Variants in RIMS2 observed in about 807,000 individuals in gnomAD.
The protein encoded by RIMS2 is regulating synaptic membrane exocytosis protein 2.
Under a neutral mutation model 174.4 loss-of-function variants are expected in RIMS2, and 59 were observed. The observed-to-expected ratio is 0.34, with a 90% CI of 0.27 to 0.42. The LOEUF is 0.42. RIMS2 is among the 10% of genes least tolerant of loss of function. The probability of loss-of-function intolerance (pLI) is 1.00; values close to 1 mark genes in which losing one functional copy is unlikely to be tolerated. For missense variants in RIMS2, 1,620 were observed against 1,666.3 expected (o/e 0.97, Z 0.48); for synonymous variants, 606 against 572.5 (o/e 1.06, Z -0.84).
chr8:104,017,202 A>G (rs777839617), intron 19 of RIMS2, among the ~76,000 whole-genome samples: 4 of 151,984 alleles, frequency 2.6e-5, no homozygotes, highest in Admixed American at 6.6e-5. Flanking sequence ...ATCTTCAGTA[A>G]GTAACACAAA....
intron 15 of RIMS2, among the ~76,000 whole-genome samples, chr8:103,973,288 G>A (rs10104167): frequency 0.23 from 34,532 of 152,002 alleles, 4,140 homozygotes; most frequent in Non-Finnish European, 0.24. Context: ...AAATGGAAAT[G>A]GAGGTAATAT....
At chr8:104,043,407 A>T (rs1339202573) in intron 19 of RIMS2, among the ~76,000 whole-genome samples, 1 of 151,562 alleles carries the variant, frequency 6.6e-6, no homozygotes, top group Non-Finnish European at 1.5e-5. Context: ...CACACTTCGG[A>T]TGTAGTAATT....
chr8:103,824,372 T>C (rs367571425), intron 3 of RIMS2, among the ~76,000 whole-genome samples: 137 of 152,316 alleles, frequency 9.0e-4, no homozygotes, highest in African/African-American at 3.2e-3. Context: ...CTATAGGCTT[T>C]CTTCCTATCC....
chr8:103,919,314 A>G (rs928038729), intron 9 of RIMS2, among the ~76,000 whole-genome samples: 2 of 152,194 alleles, frequency 1.3e-5, no homozygotes, highest in African/African-American at 4.8e-5. Flanking sequence ...AGGTGCATTT[A>G]AGGAAATTCA....
At chr8:103,600,513 C>T (rs572267951) in intron 1 of RIMS2, among the ~76,000 whole-genome samples, 4 of 152,074 alleles carry the variant, frequency 2.6e-5, no homozygotes, top group South Asian at 2.1e-4. Flanking sequence ...TCAAGTGATC[C>T]GCATGCCTTG....
At chr8:103,751,751 A>C (rs1387370524) in intron 2 of RIMS2, among the ~76,000 whole-genome samples, 3 of 150,584 alleles carry the variant, frequency 2.0e-5, no homozygotes, top group Admixed American at 2.0e-4. Context: ...TCTTCTTCTG[A>C]GAAGTGTCTG....
At chr8:103,599,492 G>A (rs543019319) in intron 1 of RIMS2, among the ~76,000 whole-genome samples, 1 of 150,750 alleles carries the variant, frequency 6.6e-6, no homozygotes, top group Non-Finnish European at 1.5e-5. Flanking sequence ...TGATTGTCAT[G>A]CAGGGGTGTG....
At chr8:104,222,548 A>T (rs1373976763) in intron 19 of RIMS2, among the ~76,000 whole-genome samples, 1 of 152,208 alleles carries the variant, frequency 6.6e-6, no homozygotes, top group Non-Finnish European at 1.5e-5. Context: ...AGGTGGGATG[A>T]CTTGTCTCAG....
intron 15 of RIMS2, among the ~76,000 whole-genome samples, chr8:103,964,792 ATTTTGCAT>A (rs1204898513): frequency 6.6e-6 from 1 of 151,990 alleles, no homozygotes; most frequent in Non-Finnish European, 1.5e-5. Context: ...GAGTTTTATT[ATTTTGCAT>A]TTTATATTTA....
At chr8:103,952,770 A>G (rs1392198634) in intron 14 of RIMS2, among the ~76,000 whole-genome samples, 1 of 152,174 alleles carries the variant, frequency 6.6e-6, no homozygotes, top group Admixed American at 6.5e-5. Context: ...AGTTTGACGA[A>G]TTGACAGAAG....
At chr8:104,094,400 A>C (rs2130377191) in intron 19 of RIMS2, 2 of 578,248 alleles carry the variant, frequency 3.5e-6, no homozygotes, top group South Asian at 4.9e-5. Context: ...TTTCTGTTTA[A>C]TTTCATAAGT....
chr8:103,715,954 G>C lies in RIMS2; in HGVS notation c.387+18658G>C, dbSNP rs934456734. 4.0e-5 allele frequency among the ~76,000 whole-genome samples: 6 copies of C among 151,638 alleles called. No individual in the cohort carries two copies. In the East Asian group the frequency reaches 5.8e-4, roughly 15 times the overall value. Reference sequence around the variant, plus strand: ...TTTCTTAAACATTTTTCAGTTTTTTGAGCTCAGTGTTTAACTGATTTTGTT... The same window carrying C: ...TTTCTTAAACATTTTTCAGTTTTTTCAGCTCAGTGTTTAACTGATTTTGTT... On this transcript the variant is annotated intron_variant, in intron 2 of 23. Coordinates refer to ENST00000504942, the Ensembl canonical transcript of RIMS2.
intron 1 of RIMS2, among the ~76,000 whole-genome samples, chr8:103,643,457 A>C (rs1027812174): frequency 6.6e-6 from 1 of 151,980 alleles, no homozygotes. Context: ...AATGCCTTGT[A>C]ATTTGTTATT....
chr8:104,011,087 A>T (rs2154553572), intron 17 of RIMS2, among the ~76,000 whole-genome samples: 1 of 152,252 alleles, frequency 6.6e-6, no homozygotes, highest in African/African-American at 2.4e-5. Context: ...AATCCCTTTA[A>T]GGGACCTGAT....
chr8:103,937,417 A>G (rs1001076805), intron 13 of RIMS2, among the ~76,000 whole-genome samples: 6 of 152,196 alleles, frequency 3.9e-5, no homozygotes, highest in Non-Finnish European at 8.8e-5. Flanking sequence ...CCATTTATTT[A>G]TGAATTATTT....
At chr8:103,638,684 A>G (rs1330662870) in intron 1 of RIMS2, among the ~76,000 whole-genome samples, 1 of 151,960 alleles carries the variant, frequency 6.6e-6, no homozygotes, top group African/African-American at 2.4e-5. Flanking sequence ...ATCTAGGTTA[A>G]CTTTGTATTT....
exon 24 of RIMS2, chr8:104,251,714 T>C: frequency 6.2e-7 from 1 of 1,609,726 alleles, no homozygotes; most frequent in Admixed American, 1.7e-5. Context: ...TGGTTCAAAC[T>C]TTTCCCACCT....
At chr8:103,744,211 A>T (rs1373356738) in intron 2 of RIMS2, among the ~76,000 whole-genome samples, 1 of 151,970 alleles carries the variant, frequency 6.6e-6, no homozygotes, top group African/African-American at 2.4e-5. Context: ...ACGCCTAGCT[A>T]ATTTTTGTAT....
intron 16 of RIMS2, chr8:103,977,301 C>A (rs925971611): frequency 6.6e-6 from 1 of 152,000 alleles, no homozygotes; most frequent in Non-Finnish European, 1.5e-5. Context: ...ATAAATGGGA[C>A]CAAAATTATT....
Sources: allele counts gnomAD v4.1 joint callset (sites outside exome capture counted in the v4.1 genomes callset), GRCh38; gene constraint gnomAD v4.1.1; transcripts MANE v1.5; gene names NCBI Gene and HGNC (gene_info 2026-07-23, HGNC 2026-07-21).